Variants in MARCHF11 observed in about 807,000 individuals in gnomAD.
MARCHF11 encodes the protein E3 ubiquitin-protein ligase MARCHF11.
A neutral mutation model predicts 37.3 loss-of-function variants in MARCHF11; 29 were observed. The observed-to-expected ratio is 0.78, with a 90% CI of 0.58 to 1.06. MARCHF11 has a LOEUF of 1.06. Among genes scored for constraint, MARCHF11 ranks in the 50% least tolerant of loss-of-function variants. The pLI is 0.00. For synonymous variants in MARCHF11, 233 were observed against 228.0 expected, an observed-to-expected ratio of 1.02 and a Z score of -0.20; for missense variants, 482 against 533.4, an observed-to-expected ratio of 0.90 and a Z score of 0.95.
At chr5:16,092,432 C>T (rs1560972255) in intron 2 of MARCHF11, among the ~76,000 whole-genome samples, 3 of 152,220 alleles carry the variant, frequency 2.0e-5, no homozygotes, top group Middle Eastern at 3.4e-3. Flanking sequence ...AAAGAGATTG[C>T]CATTCATTTT....
intron 2 of MARCHF11, among the ~76,000 whole-genome samples, chr5:16,131,718 C>T (rs545167156): frequency 6.6e-6 from 1 of 152,284 alleles, no homozygotes; most frequent in African/African-American, 2.4e-5. Context: ...TCCATTTCAG[C>T]TCAAACATTC....
chr5:16,092,259 AGTAT>A (rs1736801480), intron 2 of MARCHF11, among the ~76,000 whole-genome samples: 1 of 152,204 alleles, frequency 6.6e-6, no homozygotes, highest in Non-Finnish European at 1.5e-5. Flanking sequence ...AACATTTTTA[AGTAT>A]GTATGTGACC....
chr5:16,113,046 A>C (rs927055024), intron 2 of MARCHF11, among the ~76,000 whole-genome samples: 12 of 152,162 alleles, frequency 7.9e-5, no homozygotes, highest in African/African-American at 2.7e-4. Flanking sequence ...CTAATACGTA[A>C]CCAGAAAGCA....
chr5:16,102,988 A>T (rs556935229), intron 2 of MARCHF11, among the ~76,000 whole-genome samples: 25 of 152,308 alleles, frequency 1.6e-4, no homozygotes, highest in African/African-American at 3.6e-4. Flanking sequence ...GTAAAAATAC[A>T]TATGGAATTC....
chr5:16,085,399 G>C (rs1736677666), intron 3 of MARCHF11, among the ~76,000 whole-genome samples: 1 of 152,056 alleles, frequency 6.6e-6, no homozygotes, highest in East Asian at 1.9e-4. Context: ...TGACCTATGT[G>C]AGCCATTTTT....
At chr5:16,125,966 G>A (rs773527249) in intron 2 of MARCHF11, among the ~76,000 whole-genome samples, 24 of 152,068 alleles carry the variant, frequency 1.6e-4, no homozygotes, top group Non-Finnish European at 3.2e-4. Context: ...TCCTCATTTC[G>A]ATTTGTGAAC....
chr5:16,090,739 G>C (rs1283680146), intron 3 of MARCHF11, 150 bp downstream of exon 3: 1 of 538,856 alleles, frequency 1.9e-6, no homozygotes, highest in Non-Finnish European at 2.9e-6. Context: ...TAGAAAAGCA[G>C]CCCAATTGTG....
At chr5:16,097,624 A>C in intron 2 of MARCHF11, among the ~76,000 whole-genome samples, 1 of 152,214 alleles carries the variant, frequency 6.6e-6, no homozygotes, top group East Asian at 1.9e-4. Context: ...TGGAAAACTT[A>C]ATTACCAAAA....
intron 2 of MARCHF11, among the ~76,000 whole-genome samples, chr5:16,091,846 A>G (rs1736795487): frequency 6.6e-6 from 1 of 152,228 alleles, no homozygotes; most frequent in Non-Finnish European, 1.5e-5. Flanking sequence ...AAATCCTTCA[A>G]GACTGCTATT....
At chr5:16,149,272 C>A (rs147222690) in intron 2 of MARCHF11, among the ~76,000 whole-genome samples, 6 of 151,980 alleles carry the variant, frequency 3.9e-5, no homozygotes, top group Non-Finnish European at 8.8e-5. Context: ...TAAAGATCTA[C>A]GGCCTGAATT....
intron 2 of MARCHF11, among the ~76,000 whole-genome samples, chr5:16,119,193 T>C (rs768113269): frequency 6.6e-6 from 1 of 151,900 alleles, no homozygotes; most frequent in Non-Finnish European, 1.5e-5. Context: ...TGAAAACCCA[T>C]CTCCACTAAA....
chr5:16,175,519 C>T (rs144207159), intron 2 of MARCHF11, among the ~76,000 whole-genome samples: 43 of 152,232 alleles, frequency 2.8e-4, no homozygotes, highest in African/African-American at 9.4e-4. Flanking sequence ...TAGATAGGTA[C>T]CTAGTAGAAG....
At chr5:16,111,775 C>T (rs922631267) in intron 2 of MARCHF11, among the ~76,000 whole-genome samples, 1 of 152,152 alleles carries the variant, frequency 6.6e-6, no homozygotes, top group African/African-American at 2.4e-5. Flanking sequence ...CAGCCCCTCC[C>T]ATCATAGGCC....
At chr5:16,177,629 T>C in intron 2 of MARCHF11, 97 bp downstream of exon 2, 1 of 1,022,456 alleles carries the variant, frequency 9.8e-7, no homozygotes, top group Admixed American at 3.8e-5. Flanking sequence ...AAAATGTTTT[T>C]AAGTAGCATA....
chr5:16,117,904 CA>C (rs1379069698), intron 2 of MARCHF11, among the ~76,000 whole-genome samples: 2 of 152,064 alleles, frequency 1.3e-5, no homozygotes, highest in African/African-American at 4.8e-5. Context: ...CCACAAATGG[CA>C]AAAAGGGAGT....
chr5:16,100,561 T>C (rs531487237), intron 2 of MARCHF11, among the ~76,000 whole-genome samples: 15 of 152,240 alleles, frequency 9.9e-5, no homozygotes, highest in African/African-American at 3.6e-4. Flanking sequence ...GAGGTAGCTG[T>C]AGGTGGCCAG....
chr5:16,113,857 T>C (rs527535751), intron 2 of MARCHF11, among the ~76,000 whole-genome samples: 4 of 152,332 alleles, frequency 2.6e-5, no homozygotes, highest in African/African-American at 9.6e-5. Context: ...TACTGTGCTA[T>C]TGAACACTAG....
At chr5:16,114,440 T>C (rs1039186345) in intron 2 of MARCHF11, among the ~76,000 whole-genome samples, 1 of 152,208 alleles carries the variant, frequency 6.6e-6, no homozygotes, top group Non-Finnish European at 1.5e-5. Context: ...TTTTTGAGTT[T>C]CATTTTTGCA....
chr5:16,090,911 A>G lies in MARCHF11; in HGVS notation c.864T>C (p.Gly288=), dbSNP rs769310215. Residue 288 remains glycine (G), a synonymous_variant, in exon 3 of 4, where the codon GGT becomes GGC. Transcript: ENST00000332432. ...TACCTATGCACACTAGATCCATAAAACCATACATTCCATAGCAGATCTGAA... is the reference window on the plus strand; with the variant it reads ...TACCTATGCACACTAGATCCATAAAGCCATACATTCCATAGCAGATCTGAA... ...ILFQICYGMY[G]FMDLVCIGLI... is the part of the protein sequence containing the mutation. The G allele has an allele frequency of 1.2e-6, 2 of 1,606,898 alleles. No individual in the cohort carries two copies. Among genetic ancestry groups the G allele is most frequent in the African/African-American group, 2.7e-5 (2 of 73,466 alleles).
Sources: gnomAD v4.1 joint callset for allele counts (sites outside exome capture counted in the v4.1 genomes callset) on GRCh38, gnomAD v4.1.1 for gene constraint, MANE v1.5 for transcripts, NCBI Gene and HGNC (gene_info 2026-07-23, HGNC 2026-07-21) for gene names.